The following CAND2 variants were observed in gnomAD, a reference collection of about 807,000 sequenced individuals.
The protein encoded by CAND2 is cullin associated and neddylation dissociated 2 (putative).
CAND2 carries 62 observed loss-of-function variants against 98.9 expected under a neutral mutation model. That is an observed-to-expected ratio of 0.63 (90% CI 0.51 to 0.77). The LOEUF (loss-of-function observed/expected upper bound fraction) is 0.77. Among genes scored for constraint, CAND2 ranks in the 30% least tolerant of loss-of-function variants. The pLI, the probability that CAND2 is intolerant of heterozygous loss-of-function variation, is 0.00. For synonymous variants in CAND2, 770 were observed against 731.9 expected (o/e 1.05, Z -0.84); for missense variants, 1,501 against 1,655.2 (o/e 0.91, Z 1.62).
At chr3:12,832,690 C>A (rs554364493) in intron 14 of CAND2, 1 of 152,260 alleles carries the variant, frequency 6.6e-6, no homozygotes, top group South Asian at 2.1e-4. Flanking sequence ...TAATTCTTAC[C>A]AATGTACCAC....
Position 12,831,535 on chromosome 3 carries a change from G to C in CAND2, c.3446G>C (p.Arg1149Pro). 6.2e-7 allele frequency: 1 copy of C among 1,613,656 alleles called. No individual in the cohort carries two copies. Among genetic ancestry groups the C allele is most frequent in the Non-Finnish European group, 8.5e-7 (1 of 1,179,826 alleles). The change falls in exon 14 of 15, where the codon CGA becomes CCA. Residue 1149 changes from arginine to proline, a missense_variant. By Grantham distance (103) the Arg-to-Pro change is moderately radical. Transcript: ENST00000456430. ...CPAPVLQRVD[R>P]LIEPLRATCT... ...GCACCTGTCCTGCAGAGGGTGGACC[G>C]ACTCATTGAGCCACTAAGGGCCACC...
intron 13 of CAND2, 133 bp from the exon 14 acceptor site, chr3:12,831,330 ACT>A (rs756954573): frequency 1.4e-6 from 1 of 700,734 alleles, no homozygotes; most frequent in Admixed American, 2.2e-5. Context: ...AGAGGGAGAG[ACT>A]CTGGCAGGAC....
At chr3:12,803,348 A>C in intron 1 of CAND2, 140 bp from the exon 2 acceptor site, 1 of 732,256 alleles carries the variant, frequency 1.4e-6, no homozygotes, top group Non-Finnish European at 2.0e-6. Flanking sequence ...CACTTACCAA[A>C]ACATCATTAT....
At chr3:12,814,316 G>A (rs1402780043) in intron 7 of CAND2, among the ~76,000 whole-genome samples, 2 of 152,208 alleles carry the variant, frequency 1.3e-5, no homozygotes, top group African/African-American at 4.8e-5. Flanking sequence ...TGAGCCTCCT[G>A]TGTGCCTCCA....
intron 13 of CAND2, among the ~76,000 whole-genome samples, chr3:12,828,090 C>T (rs980986091): frequency 2.0e-5 from 3 of 152,034 alleles, no homozygotes; most frequent in Admixed American, 2.0e-4. Context: ...CGTGTTGTGA[C>T]CTGAAAGAGC....
At position 12,834,165 on chromosome 3, in the gene CAND2, C is replaced by G; in HGVS notation, c.*183C>G. On this transcript the variant is annotated 3_prime_UTR_variant, in exon 15 of 15. Coordinates refer to ENST00000456430, the MANE Select transcript of CAND2 (RefSeq NM_001162499.2). ...GGACCCAACTCAAAGGCCCCCAGCC[C>G]AAGCTGTGAGGCTGCCAACAGTTGG... 1.7e-6 allele frequency: 1 copy of G among 602,126 alleles called. No homozygotes were observed. The highest frequency in any genetic ancestry group is 2.8e-5 in the East Asian group (1 of 36,148). 37.3% of individuals were successfully genotyped at this position (602,126 alleles called of 1,614,324 possible). A position where few individuals can be genotyped will look rare whatever the true frequency, so the allele number is the denominator to read the frequency against.
intron 11 of CAND2, among the ~76,000 whole-genome samples, chr3:12,824,246 T>A (rs2061981847): frequency 1.3e-5 from 2 of 152,242 alleles, no homozygotes; most frequent in Admixed American, 1.3e-4. Flanking sequence ...TAAAAAAATT[T>A]TTTTTAAGTT....
intron 7 of CAND2, among the ~76,000 whole-genome samples, chr3:12,813,860 A>G (rs1029918842): frequency 6.6e-6 from 1 of 152,296 alleles, no homozygotes; most frequent in East Asian, 1.9e-4. Flanking sequence ...AGATGTCTCA[A>G]TGGGGGTGGA....
In CAND2 at chr3:12,813,397, A is replaced by ACAGC; in HGVS notation, c.1006+11_1006+14dup. The ACAGC allele has an allele frequency of 6.2e-7, 1 of 1,611,506 alleles. No homozygotes were observed. The highest frequency in any genetic ancestry group is 8.5e-7 in the Non-Finnish European group (1 of 1,178,674). On this transcript the variant is annotated intron_variant, in intron 7 of 14. Transcript: ENST00000456430. ...TGAATTCAGTGAGCAAGGTTGGTGG[A>ACAGC]CAGCCCATCATTGGGGTTGGAGGGT... is the stretch of plus-strand genomic sequence containing the variant.
At chr3:12,799,018 T>A (rs1197473502) in intron 1 of CAND2, among the ~76,000 whole-genome samples, 1 of 152,148 alleles carries the variant, frequency 6.6e-6, no homozygotes, top group Non-Finnish European at 1.5e-5. Flanking sequence ...GGTGCCCCAT[T>A]ACCACGGAGG....
In CAND2 at chr3:12,825,508, G is replaced by C. The variant is rs749086306; in HGVS notation, c.3079G>C (p.Val1027Leu). 1 of 1,577,546 alleles carries C rather than the reference G, an allele frequency of 6.3e-7. No individual in the cohort carries two copies. Among genetic ancestry groups the C allele is most frequent in the South Asian group, 1.2e-5 (1 of 86,186 alleles). Reference sequence around the variant, plus strand: ...GAGCCTGCAGGACCCAGACCTGAACGTGCGCCGTGCGACTCTGGCTTTCTT... The same window carrying C: ...GAGCCTGCAGGACCCAGACCTGAACCTGCGCCGTGCGACTCTGGCTTTCTT... Reference protein sequence around the residue: ...MESLQDPDLNVRRATLAFFNS... With the variant: ...MESLQDPDLNLRRATLAFFNS... The change falls in exon 12 of 15, where the codon GTG (valine) becomes CTG (leucine). Residue 1027 changes from valine (V) to leucine (L), a missense_variant. Transcript: ENST00000456430.
rs2061884906 is a variant in CAND2, at chr3:12,815,037, T to G, written c.1007-104T>G. On this transcript the variant is annotated intron_variant, in intron 7 of 14. Transcript: ENST00000456430. The surrounding 1 kb of genome is among the most constrained non-coding windows in gnomAD (Gnocchi z 5.7). ...TCTATAAATGCTGATCATCAAAAAG[T>G]GAAGCACAGTGCCCAGCTCTCTCTC... The G allele has an allele frequency of 1.7e-6, 2 of 1,168,408 alleles. No individual in the cohort carries two copies. Among genetic ancestry groups the G allele is most frequent in the African/African-American group, 3.1e-5 (2 of 65,366 alleles). 72.4% of individuals were successfully genotyped at this position (1,168,408 alleles called of 1,614,324 possible). A position where few individuals can be genotyped will look rare whatever the true frequency, so the allele number is the denominator to read the frequency against.
chr3:12,807,488 GT>G, intron 3 of CAND2, 28 bp downstream of exon 3: 1 of 1,530,752 alleles, frequency 6.5e-7, no homozygotes, highest in South Asian at 1.2e-5. Context: ...ACTAGGTACT[GT>G]TAGTATTTGT....
rs2061917875 is a variant in CAND2 at position 12,817,465 on chromosome 3, T to A, written c.2533T>A (p.Leu845Met). 1.2e-6 allele frequency: 2 copies of A among 1,613,698 alleles called. No homozygotes were observed. The highest frequency in any genetic ancestry group is 2.7e-5 in the African/African-American group (2 of 75,076). Residue 845 changes from leucine (L) to methionine (M), a missense_variant, in exon 10 of 15, where the codon TTG (leucine) becomes ATG (methionine). Leu to Met is a conservative substitution (Grantham distance 15, BLOSUM62 2). This residue lies in a region of CAND2 where 1,427 missense variants were observed against 1,545.3 expected (regional missense o/e 0.92). Transcript: ENST00000456430. The part of the protein sequence containing the change: ...SSTGVKVLAF[L>M]SLAEVGQVAG... ...CACGGGGGTCAAGGTCCTGGCATTC[T>A]TGTCGCTGGCTGAGGTGGGTCAGGT...
intron 11 of CAND2, among the ~76,000 whole-genome samples, chr3:12,823,273 A>G (rs929093829): frequency 8.2e-5 from 8 of 97,678 alleles, no homozygotes; most frequent in Non-Finnish European, 1.7e-4. Flanking sequence ...ATCATTTTAA[A>G]TACAGTTTTT....
chr3:12,812,219 A>ATTTTTTTTTTTTTTTTT (rs1575768881), intron 5 of CAND2, among the ~76,000 whole-genome samples: 2 of 45,670 alleles, frequency 4.4e-5, no homozygotes, highest in South Asian at 4.5e-4. Context: ...TAAGCTGTTT[A>ATTTTTTTTTTTTTTTTT]TCTTTTTTTT....
chr3:12,816,118 G>A, intron 9 of CAND2, 110 bp downstream of exon 9: 2 of 1,175,722 alleles, frequency 1.7e-6, no homozygotes, highest in Non-Finnish European at 2.4e-6. Context: ...CCCAATCCCA[G>A]GCTCAGTCCC....
chr3:12,816,180 G>C (rs1208950169), intron 9 of CAND2, among the ~76,000 whole-genome samples, 172 bp downstream of exon 9: 2 of 152,124 alleles, frequency 1.3e-5, no homozygotes, highest in African/African-American at 4.8e-5. Flanking sequence ...AACAAGGCTG[G>C]CTCCAGTGAG....
intron 1 of CAND2, 50 bp downstream of exon 1, chr3:12,796,838 G>A (rs2061729449): frequency 1.4e-6 from 2 of 1,480,586 alleles, no homozygotes; most frequent in African/African-American, 1.4e-5. Flanking sequence ...TGAAGCCGGG[G>A]GCCTTCTTCC....
Sources: allele counts gnomAD v4.1 joint callset (sites outside exome capture counted in the v4.1 genomes callset), GRCh38; gene constraint gnomAD v4.1.1; regional missense constraint gnomAD v4.1.1; non-coding constraint Gnocchi (gnomAD v3.1); transcripts MANE v1.5; gene names NCBI Gene and HGNC (gene_info 2026-07-23, HGNC 2026-07-21).